The following AFAP1 variants were observed in gnomAD, a reference collection of about 807,000 sequenced individuals.
The protein encoded by AFAP1 is actin filament-associated protein 1.
AFAP1 carries 75 observed loss-of-function variants against 93.9 expected under a neutral mutation model. The observed-to-expected ratio is 0.80, with a 90% confidence interval of 0.66 to 0.97. The LOEUF is 0.97. Ranked by LOEUF, AFAP1 falls within the 50% of genes least tolerant of loss-of-function variation. The probability of loss-of-function intolerance (pLI) is 0.00; values close to 1 mark genes in which losing one functional copy is unlikely to be tolerated. For synonymous variants in AFAP1, 517 were observed against 430.7 expected, an observed-to-expected ratio of 1.20 and a Z score of -2.48; for missense variants, 1,201 against 1,050.8, an observed-to-expected ratio of 1.14 and a Z score of -1.98.
intron 1 of AFAP1, among the ~76,000 whole-genome samples, chr4:7,877,780 T>A (rs769194066): frequency 1.3e-5 from 2 of 152,238 alleles, no homozygotes; most frequent in African/African-American, 2.4e-5. Context: ...AGAGCAATAG[T>A]GTGACCAAAT....
At chr4:7,836,454 C>G (rs1438799646) in intron 6 of AFAP1, among the ~76,000 whole-genome samples, 1 of 152,170 alleles carries the variant, frequency 6.6e-6, no homozygotes, top group Non-Finnish European at 1.5e-5. Flanking sequence ...GTATGGCGTT[C>G]TTTGTTTTTG....
chr4:7,829,717 C>A (rs1403227531), intron 6 of AFAP1, among the ~76,000 whole-genome samples: 1 of 152,178 alleles, frequency 6.6e-6, no homozygotes. Flanking sequence ...GGCTAACACA[C>A]TCTATTGGCA....
At chr4:7,891,743 T>TAAAAA (rs778916445) in intron 1 of AFAP1, among the ~76,000 whole-genome samples, 6 of 62,794 alleles carry the variant, frequency 9.6e-5, no homozygotes, top group African/African-American at 1.3e-4. Flanking sequence ...ATGGTCTCAT[T>TAAAAA]AAAAAAAAAA....
At chr4:7,823,903 TCTTCCCCCAGGC>T (rs1721197060) in intron 6 of AFAP1, among the ~76,000 whole-genome samples, 2 of 152,224 alleles carry the variant, frequency 1.3e-5, no homozygotes, top group Non-Finnish European at 2.9e-5. Context: ...CGTGGGACTC[TCTTCCCCCAGGC>T]ATAATAACTA....
At chr4:7,914,703 C>T (rs1719973900) in intron 1 of AFAP1, among the ~76,000 whole-genome samples, 1 of 152,112 alleles carries the variant, frequency 6.6e-6, no homozygotes, top group South Asian at 2.1e-4. Context: ...TTGTAGTTTT[C>T]TCAGGAACCT....
chr4:7,789,495 C>G (rs558384026), intron 11 of AFAP1, among the ~76,000 whole-genome samples: 1,430 of 129,848 alleles, frequency 0.011, 41 homozygotes, highest in African/African-American at 0.048. Flanking sequence ...ATCCTCACCA[C>G]CCCATCCGTG....
chr4:7,766,163 AGGCCCTCTCAGACTC>A (rs1188956710), intron 17 of AFAP1, among the ~76,000 whole-genome samples: 1 of 152,228 alleles, frequency 6.6e-6, no homozygotes, highest in African/African-American at 2.4e-5. Context: ...CACTATGCTG[AGGCCCTCTCAGACTC>A]GGCGGAAGTG....
chr4:7,919,607 C>A (rs1466650201), intron 1 of AFAP1, among the ~76,000 whole-genome samples: 1 of 152,094 alleles, frequency 6.6e-6, no homozygotes, highest in Non-Finnish European at 1.5e-5. Flanking sequence ...CTGAATGAAA[C>A]CTGCGGATTT....
In AFAP1 at chr4:7,793,588, G is replaced by GT. The variant is rs1444559267; in HGVS notation, c.1412+92dup. ...GGAAAGTCTTTAGTTTTTCTTCTGG[G>GT]TCTATATCCTCACACAAAAACTAAG... On this transcript the variant is annotated intron_variant, in intron 11 of 17. Transcript: ENST00000420658. 4 of 1,295,438 alleles carry GT rather than the reference G, an allele frequency of 3.1e-6. No homozygotes were observed. In the East Asian group the frequency reaches 1.0e-4, roughly 33 times the overall value. The allele number at this position is 1,295,438 out of a possible 1,614,324, so 80.2% of individuals were successfully genotyped here. A position where few individuals can be genotyped will look rare whatever the true frequency, so the allele number is the denominator to read the frequency against.
chr4:7,804,811 T>C (rs1719361055), intron 9 of AFAP1, among the ~76,000 whole-genome samples: 3 of 152,210 alleles, frequency 2.0e-5, no homozygotes, highest in Non-Finnish European at 2.9e-5. Context: ...CTGTTCATTA[T>C]ATCTTAGCAA....
intron 5 of AFAP1, among the ~76,000 whole-genome samples, chr4:7,842,052 C>T (rs1355321881): frequency 6.6e-6 from 1 of 152,132 alleles, no homozygotes; most frequent in Non-Finnish European, 1.5e-5. Context: ...AATATATCCA[C>T]ATCTTGTAGC....
intron 1 of AFAP1, among the ~76,000 whole-genome samples, chr4:7,916,063 CG>C (rs778679272): frequency 6.6e-6 from 1 of 152,158 alleles, no homozygotes; most frequent in Non-Finnish European, 1.5e-5. Context: ...GGCACTTCCT[CG>C]GCTGGCTTCA....
chr4:7,801,200 G>A (rs1439790081), intron 9 of AFAP1, among the ~76,000 whole-genome samples: 1 of 152,332 alleles, frequency 6.6e-6, no homozygotes, highest in South Asian at 2.1e-4. Context: ...GAAGCAGCCC[G>A]CAGATGGCAG....
intron 8 of AFAP1, among the ~76,000 whole-genome samples, chr4:7,810,919 G>A (rs1719966757): frequency 6.6e-6 from 1 of 152,224 alleles, no homozygotes; most frequent in Non-Finnish European, 1.5e-5. Flanking sequence ...TCTCTCCACT[G>A]CCGAGGGCTC....
intron 8 of AFAP1, among the ~76,000 whole-genome samples, chr4:7,811,415 C>A (rs1217943548): frequency 6.6e-6 from 1 of 151,420 alleles, no homozygotes; most frequent in Admixed American, 6.6e-5. Context: ...AACTCCTAAA[C>A]CCTTCCTCTG....
Position 7,843,181 on chromosome 4 carries a change from C to G in AFAP1, c.504G>C (p.Gln168His). Residue 168 changes from glutamine to histidine, a missense_variant, in exon 5 of 18, where the codon CAG becomes CAC. Gln to His is a conservative substitution (Grantham distance 24). Coordinates refer to ENST00000420658, the MANE Select transcript of AFAP1 (RefSeq NM_001134647.2). The part of the protein sequence containing the change: ...AFLLRKKRFG[Q>H]WTKLLCVIKD... ...TGATGACGCAGAGCAACTTGGTCCA[C>G]TGGCCGAACCGCTTCTTCCGCAGCA... 6.2e-7 allele frequency: 1 copy of G among 1,614,248 alleles called. No homozygotes were observed. Among genetic ancestry groups the G allele is most frequent in the East Asian group, 2.2e-5 (1 of 44,882 alleles).
intron 1 of AFAP1, among the ~76,000 whole-genome samples, chr4:7,907,614 G>A (rs1349854218): frequency 6.6e-6 from 1 of 152,092 alleles, no homozygotes; most frequent in Non-Finnish European, 1.5e-5. Flanking sequence ...CAGAAACTCC[G>A]AAATCTATAA....
At chr4:7,805,545 C>CT (rs1488344429) in intron 9 of AFAP1, among the ~76,000 whole-genome samples, 2 of 152,162 alleles carry the variant, frequency 1.3e-5, no homozygotes, top group African/African-American at 4.8e-5. Context: ...AAATGATGGG[C>CT]TAGGCACTGA....
intron 4 of AFAP1, among the ~76,000 whole-genome samples, chr4:7,845,827 G>A (rs562273838): frequency 5.3e-5 from 8 of 152,168 alleles, no homozygotes; most frequent in African/African-American, 1.9e-4. Context: ...TGGATACCGG[G>A]GCCCAGAGGA....
Sources: gnomAD v4.1 joint callset for allele counts (sites outside exome capture counted in the v4.1 genomes callset) on GRCh38, gnomAD v4.1.1 for gene constraint, MANE v1.5 for transcripts, NCBI Gene and HGNC (gene_info 2026-07-23, HGNC 2026-07-21) for gene names.